RPS6KA2: variants seen among roughly 807,000 people sequenced by gnomAD.
RPS6KA2 encodes the protein ribosomal protein S6 kinase alpha-2.
Under a neutral mutation model 91.8 loss-of-function variants are expected in RPS6KA2, and 42 were observed. The ratio of observed to expected loss-of-function variants is 0.46; its 90% CI spans 0.36 to 0.59. RPS6KA2 has a LOEUF of 0.59. Ranked by LOEUF, RPS6KA2 falls within the 20% of genes least tolerant of loss-of-function variation. The pLI is 0.00. For synonymous variants in RPS6KA2, 414 were observed against 393.6 expected (o/e 1.05, Z -0.61); for missense variants, 798 against 978.5 (o/e 0.82, Z 2.46).
At position 166,686,858 on chromosome 6, in the gene RPS6KA2, G is replaced by A. The variant is rs145210730; in HGVS notation, c.124-148074C>T. Among the ~76,000 whole-genome samples, 155 of 152,334 alleles carry A rather than the reference G, an allele frequency of 1.0e-3. 1 individual carries two copies. Among genetic ancestry groups the A allele is most frequent in the East Asian group, 3.3e-3 (17 of 5,184 alleles). ...GGTGGATTAACATGTGCCAATTACAGTGTGGCCACAAATCCAGGACAGCAC... is the reference window on the plus strand; with the variant it reads ...GGTGGATTAACATGTGCCAATTACAATGTGGCCACAAATCCAGGACAGCAC... On this transcript the variant is annotated intron_variant, in intron 2 of 21. Coordinates refer to the RPS6KA2 transcript ENST00000503859.
At chr6:166,827,312 G>A (rs990628080) in intron 2 of RPS6KA2, among the ~76,000 whole-genome samples, 10 of 142,026 alleles carry the variant, frequency 7.0e-5, no homozygotes, top group East Asian at 2.1e-4. Context: ...CACCTGCCCC[G>A]AAACTGCCTG....
intron 1 of RPS6KA2, among the ~76,000 whole-genome samples, chr6:166,586,957 T>C (rs1785195265): frequency 6.6e-6 from 1 of 152,200 alleles, no homozygotes; most frequent in South Asian, 2.1e-4. Flanking sequence ...TGACTAGCCC[T>C]GGCCAATGGA....
chr6:166,531,746 C>T (rs1358877028), intron 2 of RPS6KA2, among the ~76,000 whole-genome samples: 1 of 152,086 alleles, frequency 6.6e-6, no homozygotes, highest in Non-Finnish European at 1.5e-5. Flanking sequence ...AGAAAAGCTA[C>T]TTTCTCTTAC....
chr6:166,805,109 C>T (rs146466835), intron 2 of RPS6KA2, among the ~76,000 whole-genome samples: 11 of 152,318 alleles, frequency 7.2e-5, no homozygotes, highest in Non-Finnish European at 1.6e-4. Context: ...TGAAGGCTTG[C>T]ATCTCACAGG....
At position 166,554,876 on chromosome 6, in the gene RPS6KA2, GT is replaced by G. The variant is rs1784132593; in HGVS notation, c.100-16093del. On this transcript the variant is annotated intron_variant, in intron 1 of 20. Coordinates refer to ENST00000265678, the MANE Select transcript of RPS6KA2 (RefSeq NM_021135.6). The surrounding 1 kb of genome is among the most constrained non-coding windows in gnomAD (Gnocchi z 4.3). ...GCCCACCGCATGAAAAATGTCTCCA[GT>G]TTTACAAAGGTCAATTGGTAATTTA... Among the ~76,000 whole-genome samples the G allele has an allele frequency of 6.6e-6, 1 of 152,200 alleles. No individual in the cohort carries two copies. The highest frequency in any genetic ancestry group is 1.5e-5 in the Non-Finnish European group (1 of 68,034).
intron 10 of RPS6KA2, among the ~76,000 whole-genome samples, chr6:166,474,730 C>T (rs934433669): frequency 1.3e-5 from 2 of 152,218 alleles, no homozygotes; most frequent in East Asian, 1.9e-4. Context: ...ATGGTATAAA[C>T]TTCCATCAGA....
In RPS6KA2 at chr6:166,645,635, C is replaced by T. The variant is rs536562866; in HGVS notation, c.124-106851G>A. On this transcript the variant is annotated intron_variant, in intron 2 of 21. Transcript: ENST00000503859. ...GCCATGCTCACGGGAATGTGCCCCC[C>T]CTTCTCTGGATCTACCTGGAGATGG... is the stretch of plus-strand genomic sequence containing the variant. 5.3e-5 allele frequency among the ~76,000 whole-genome samples: 8 copies of T among 152,362 alleles called. No homozygotes were observed. In the South Asian group the frequency reaches 1.7e-3, roughly 32 times the overall value.
At chr6:166,455,431 T>C (rs1042895455) in intron 12 of RPS6KA2, among the ~76,000 whole-genome samples, 1 of 152,034 alleles carries the variant, frequency 6.6e-6, no homozygotes, top group Non-Finnish European at 1.5e-5. Context: ...TCATCTTCAG[T>C]GTCCTGAACC....
At chr6:166,536,891 T>C (rs3778412) in intron 2 of RPS6KA2, among the ~76,000 whole-genome samples, 13,716 of 152,348 alleles carry the variant, frequency 0.09, 724 homozygotes, top group East Asian at 0.17. Flanking sequence ...CAGAGTGTTA[T>C]GAGCATTATC....
chr6:166,680,859 G>A (rs1350544153), intron 2 of RPS6KA2, among the ~76,000 whole-genome samples: 1 of 152,222 alleles, frequency 6.6e-6, no homozygotes, highest in African/African-American at 2.4e-5. Context: ...AAGGAGACTT[G>A]CTGAGGCCAG....
At chr6:166,752,284 G>A (rs764724213) in intron 2 of RPS6KA2, among the ~76,000 whole-genome samples, 3 of 152,296 alleles carry the variant, frequency 2.0e-5, no homozygotes, top group South Asian at 2.1e-4. Context: ...CCTCTGAAAC[G>A]TAGGGCTGTG....
chr6:166,439,218 C>T (rs1779441165), intron 14 of RPS6KA2, among the ~76,000 whole-genome samples: 1 of 152,218 alleles, frequency 6.6e-6, no homozygotes, highest in Non-Finnish European at 1.5e-5. Context: ...GATGATTCTC[C>T]TGCCTCAGCC....
At chr6:166,436,980 C>G (rs748340098) in intron 14 of RPS6KA2, among the ~76,000 whole-genome samples, 11 of 152,156 alleles carry the variant, frequency 7.2e-5, no homozygotes, top group Non-Finnish European at 1.3e-4. Context: ...GTCCCGGATG[C>G]TGTCAGGAAG....
At chr6:166,855,501 G>GGAA (rs71032880) in intron 2 of RPS6KA2, among the ~76,000 whole-genome samples, 45,927 of 138,664 alleles carry the variant, frequency 0.33, 8,610 homozygotes, top group African/African-American at 0.52. Flanking sequence ...AAGAAGAAGA[G>GGAA]GAAGAAGAAG....
At chr6:166,796,356 C>T (rs1348172999) in intron 2 of RPS6KA2, among the ~76,000 whole-genome samples, 1 of 152,056 alleles carries the variant, frequency 6.6e-6, no homozygotes, top group East Asian at 1.9e-4. Context: ...TTTGGGAGGC[C>T]GAGGCGGGCG....
At chr6:166,832,660 TA>T in intron 2 of RPS6KA2, among the ~76,000 whole-genome samples, 1 of 152,314 alleles carries the variant, frequency 6.6e-6, no homozygotes, top group Non-Finnish European at 1.5e-5. Context: ...GTTTAAATGT[TA>T]GGAAATGCAG....
In RPS6KA2 at chr6:166,626,866, G is replaced by C. The variant is rs1226071715; in HGVS notation, c.99+55C>G. On this transcript the variant is annotated intron_variant, in intron 1 of 20. Coordinates refer to ENST00000265678, the MANE Select transcript of RPS6KA2 (RefSeq NM_021135.6). The surrounding 1 kb of genome is among the most constrained non-coding windows in gnomAD (Gnocchi z 4.1). ...CAGGGGTGGCGAGGCGGGCTCGGGC[G>C]ACCACGGCCCGCTCAGTGCCCGGCA... 1 of 1,355,896 alleles carries C rather than the reference G, an allele frequency of 7.4e-7. No individual in the cohort carries two copies. The highest frequency in any genetic ancestry group is 9.6e-7 in the Non-Finnish European group (1 of 1,040,380). 84.0% of individuals were successfully genotyped at this position (1,355,896 alleles called of 1,614,324 possible).
intron 4 of RPS6KA2, among the ~76,000 whole-genome samples, chr6:166,509,772 G>C (rs1782397853): frequency 6.6e-6 from 1 of 152,222 alleles, no homozygotes; most frequent in Admixed American, 6.5e-5. Flanking sequence ...TGGCAAAGCA[G>C]CTATGTGGCC....
At chr6:166,416,405 C>T (rs1778525671) in intron 19 of RPS6KA2, among the ~76,000 whole-genome samples, 1 of 151,484 alleles carries the variant, frequency 6.6e-6, no homozygotes, top group South Asian at 2.1e-4. Context: ...TTAGCCTCAC[C>T]ATCATCCCCA....
Sources: allele counts gnomAD v4.1 joint callset (sites outside exome capture counted in the v4.1 genomes callset), GRCh38; gene constraint gnomAD v4.1.1; non-coding constraint Gnocchi (gnomAD v3.1); transcripts MANE v1.5; gene names NCBI Gene and HGNC (gene_info 2026-07-23, HGNC 2026-07-21).